STAU2: variants seen among roughly 807,000 people sequenced by gnomAD.
The protein encoded by STAU2 is double-stranded RNA-binding protein Staufen homolog 2.
STAU2 carries 20 observed loss-of-function variants against 65.9 expected under a neutral mutation model. The observed-to-expected ratio is 0.30, with a 90% CI of 0.21 to 0.44. The LOEUF is 0.44. Among genes scored for constraint, STAU2 ranks in the 20% least tolerant of loss-of-function variants. The probability of loss-of-function intolerance (pLI) is 1.00; values close to 1 mark genes in which losing one functional copy is unlikely to be tolerated. For missense variants in STAU2, 558 were observed against 683.9 expected (o/e 0.82, Z 2.05); for synonymous variants, 232 against 233.9 (o/e 0.99, Z 0.07).
At chr8:73,589,553 T>C (rs1271823622) in intron 11 of STAU2, among the ~76,000 whole-genome samples, 1 of 151,992 alleles carries the variant, frequency 6.6e-6, no homozygotes, top group Non-Finnish European at 1.5e-5. Flanking sequence ...CATAAGGAAA[T>C]CCTAAACGAA....
At chr8:73,551,842 AG>A in intron 13 of STAU2, 169 bp downstream of exon 13, 3 of 1,280,706 alleles carry the variant, frequency 2.3e-6, no homozygotes, top group Non-Finnish European at 3.0e-6. Flanking sequence ...AGAGAAAATG[AG>A]GCATGTGCAT....
chr8:73,539,507 A>T (rs911001675), intron 13 of STAU2, among the ~76,000 whole-genome samples: 1 of 152,178 alleles, frequency 6.6e-6, no homozygotes, highest in Non-Finnish European at 1.5e-5. Context: ...AATTTACTGG[A>T]TTAAGGAGAC....
intron 5 of STAU2, among the ~76,000 whole-genome samples, chr8:73,677,124 A>G (rs73689022): frequency 0.2 from 30,744 of 152,106 alleles, 3,475 homozygotes; most frequent in East Asian, 0.36. Flanking sequence ...GCATATGGAA[A>G]GATGCTCACC....
intron 9 of STAU2, among the ~76,000 whole-genome samples, chr8:73,608,008 T>C (rs1812153812): frequency 6.6e-6 from 1 of 152,168 alleles, no homozygotes; most frequent in Admixed American, 6.5e-5. Flanking sequence ...CCATTTCATC[T>C]TGACAATCTG....
chr8:73,517,496 C>A (rs1047025053), intron 13 of STAU2, among the ~76,000 whole-genome samples: 2 of 152,122 alleles, frequency 1.3e-5, no homozygotes, highest in Admixed American at 1.3e-4. Context: ...CTGAACAAAA[C>A]TTACTAGAAA....
At chr8:73,451,568 C>T (rs1033423862) in intron 13 of STAU2, among the ~76,000 whole-genome samples, 1 of 151,570 alleles carries the variant, frequency 6.6e-6, no homozygotes, top group African/African-American at 2.4e-5. Flanking sequence ...GGGCTACCCA[C>T]CCCCCGCAAC....
intron 6 of STAU2, among the ~76,000 whole-genome samples, chr8:73,632,523 G>T (rs779299835): frequency 6.6e-6 from 1 of 152,250 alleles, no homozygotes; most frequent in African/African-American, 2.4e-5. Flanking sequence ...ACAAAAAAGG[G>T]TTTGCAAATA....
chr8:73,459,597 C>T (rs1487292556), intron 13 of STAU2, among the ~76,000 whole-genome samples: 3 of 152,010 alleles, frequency 2.0e-5, no homozygotes, highest in Non-Finnish European at 1.5e-5. Context: ...GTGATCCCCT[C>T]CGCGAAGACC....
intron 5 of STAU2, among the ~76,000 whole-genome samples, chr8:73,678,830 T>TTAAATAAATTAA (rs1313578122): frequency 6.6e-6 from 1 of 152,302 alleles, no homozygotes; most frequent in South Asian, 2.1e-4. Flanking sequence ...TAATAAATAC[T>TTAAATAAATTAA]GCAATCAGTT....
intron 13 of STAU2, among the ~76,000 whole-genome samples, chr8:73,447,260 TATACAC>T (rs1200069911): frequency 6.6e-6 from 1 of 152,222 alleles, no homozygotes; most frequent in Non-Finnish European, 1.5e-5. Context: ...TATATTCTTA[TATACAC>T]ATATATGGAC....
chr8:73,446,335 T>C (rs1167333642), intron 13 of STAU2, among the ~76,000 whole-genome samples: 3 of 152,198 alleles, frequency 2.0e-5, no homozygotes, highest in Middle Eastern at 3.2e-3. Context: ...GAGAGCCTCA[T>C]GGTGACAGAA....
At position 73,460,201 on chromosome 8, in the gene STAU2, G is replaced by A. The variant is rs560085228; in HGVS notation, c.1531-37499C>T. On this transcript the variant is annotated intron_variant, in intron 13 of 14. Coordinates refer to ENST00000524300, the MANE Select transcript of STAU2 (RefSeq NM_001164380.2). ...GCAAAACATTCCTTCTAGCCTCTTC[G>A]ATGCTACGGAATAGCTGTGGTCTCT... Among the ~76,000 whole-genome samples the A allele has an allele frequency of 3.3e-5, 5 of 152,286 alleles. No homozygotes were observed. The South Asian group carries it at 6.2e-4, about 19-fold the overall frequency.
chr8:73,670,777 T>C (rs969470475), intron 6 of STAU2, among the ~76,000 whole-genome samples: 2 of 151,980 alleles, frequency 1.3e-5, no homozygotes, highest in African/African-American at 4.8e-5. Context: ...TATCAGTAAA[T>C]ACATAAAACC....
chr8:73,579,954 T>C (rs530889958), intron 12 of STAU2, among the ~76,000 whole-genome samples: 1 of 152,330 alleles, frequency 6.6e-6, no homozygotes, highest in South Asian at 2.1e-4. Flanking sequence ...TTTTAAAAAA[T>C]ATCTTCCACT....
chr8:73,512,358 C>T (rs936693401), intron 13 of STAU2, among the ~76,000 whole-genome samples: 2 of 152,182 alleles, frequency 1.3e-5, no homozygotes, highest in Non-Finnish European at 2.9e-5. Flanking sequence ...GAACTTAACA[C>T]TAAAGGTTCA....
intron 3 of STAU2, among the ~76,000 whole-genome samples, chr8:73,716,390 AGAGT>A (rs1821256126): frequency 1.3e-5 from 2 of 152,212 alleles, no homozygotes; most frequent in East Asian, 3.9e-4. Flanking sequence ...GCGCCCGGCC[AGAGT>A]AAGTTCTTTC....
chr8:73,738,340 G>T lies in STAU2; in HGVS notation c.-74C>A. The T allele has an allele frequency of 6.3e-7, 1 of 1,577,004 alleles. No homozygotes were observed. Among genetic ancestry groups the T allele is most frequent in the Admixed American group, 2.0e-5 (1 of 49,896 alleles). ...TGACCAAACTGCTGTATCCCTCACG[G>T]CTCCAAAAACTGGAAAACGAAAATG... On this transcript the variant is annotated 5_prime_UTR_variant, in exon 3 of 15. Transcript: ENST00000524300.
At chr8:73,687,453 T>TATTTATAATATATAAATATAA (rs1563507200) in intron 5 of STAU2, among the ~76,000 whole-genome samples, 1 of 133,362 alleles carries the variant, frequency 7.5e-6, no homozygotes, top group African/African-American at 2.8e-5. Flanking sequence ...TATAAATATA[T>TATTTATAATATATAAATATAA]AATATATAAA....
At chr8:73,600,242 A>G (rs1216180249) in intron 10 of STAU2, among the ~76,000 whole-genome samples, 1 of 152,266 alleles carries the variant, frequency 6.6e-6, no homozygotes, top group African/African-American at 2.4e-5. Flanking sequence ...ATGACAGTTC[A>G]TACAGCACAT....
Sources: gnomAD v4.1 joint callset for allele counts (sites outside exome capture counted in the v4.1 genomes callset) on GRCh38, gnomAD v4.1.1 for gene constraint, MANE v1.5 for transcripts, NCBI Gene and HGNC (gene_info 2026-07-23, HGNC 2026-07-21) for gene names.